RETREG1: variants seen among roughly 807,000 people sequenced by gnomAD.
The protein encoded by RETREG1 is reticulophagy regulator 1.
A neutral mutation model predicts 54.8 loss-of-function variants in RETREG1; 44 were observed. The observed-to-expected ratio is 0.80, with a 90% CI of 0.63 to 1.03. RETREG1 has a LOEUF of 1.03. Ranked by LOEUF, RETREG1 falls within the 50% of genes least tolerant of loss-of-function variation. RETREG1 has a pLI of 0.00. For missense variants in RETREG1, 554 were observed against 605.1 expected (o/e 0.92, Z 0.89); for synonymous variants, 217 against 238.5 (o/e 0.91, Z 0.83).
At chr5:16,502,315 A>G (rs1292561846) in intron 3 of RETREG1, among the ~76,000 whole-genome samples, 1 of 152,150 alleles carries the variant, frequency 6.6e-6, no homozygotes, top group Non-Finnish European at 1.5e-5. Flanking sequence ...AATTTGTTTG[A>G]CATTCTTCCC....
At chr5:16,584,215 A>C (rs1054856795) in intron 1 of RETREG1, among the ~76,000 whole-genome samples, 1 of 152,142 alleles carries the variant, frequency 6.6e-6, no homozygotes, top group African/African-American at 2.4e-5. Context: ...GGTGCACCAA[A>C]ATCTCAGAAA....
chr5:16,538,817 A>G (rs967752111), intron 3 of RETREG1, among the ~76,000 whole-genome samples: 4 of 150,452 alleles, frequency 2.7e-5, no homozygotes, highest in African/African-American at 4.9e-5. Context: ...CCATTCTCCT[A>G]CCTCAGCCTC....
chr5:16,571,830 A>G lies in RETREG1; in HGVS notation c.427+166T>C, dbSNP rs188473915. Among the ~76,000 whole-genome samples the G allele has an allele frequency of 6.6e-5, 10 of 152,354 alleles. No homozygotes were observed. The East Asian group carries it at 1.9e-3, about 29-fold the overall frequency. ...AACCTTTTACCTACAAGCAGTAGCTACAAAGACAGCACCACCTCAATAAAT... is the reference window on the plus strand; with the variant it reads ...AACCTTTTACCTACAAGCAGTAGCTGCAAAGACAGCACCACCTCAATAAAT... On this transcript the variant is annotated intron_variant, in intron 2 of 8. Coordinates refer to ENST00000306320, the MANE Select transcript of RETREG1 (RefSeq NM_001034850.3).
chr5:16,610,733 G>A (rs1327213375), intron 1 of RETREG1, among the ~76,000 whole-genome samples: 4 of 152,152 alleles, frequency 2.6e-5, no homozygotes, highest in Admixed American at 6.5e-5. Context: ...TTAGAATGGC[G>A]ATAATTAAAA....
At chr5:16,601,882 A>G (rs751126137) in intron 1 of RETREG1, among the ~76,000 whole-genome samples, 1 of 152,224 alleles carries the variant, frequency 6.6e-6, no homozygotes, top group East Asian at 1.9e-4. Context: ...CAGGTCATCT[A>G]TAAGAGATCA....
chr5:16,498,059 G>A (rs961177821), intron 3 of RETREG1, among the ~76,000 whole-genome samples: 1 of 152,214 alleles, frequency 6.6e-6, no homozygotes, highest in African/African-American at 2.4e-5. Context: ...TTATAATGAA[G>A]TCTATCTCAA....
intron 3 of RETREG1, among the ~76,000 whole-genome samples, chr5:16,556,839 A>T (rs1394566028): frequency 6.6e-6 from 1 of 151,796 alleles, no homozygotes; most frequent in African/African-American, 2.4e-5. Context: ...GTTTCATTTT[A>T]TTTTTTTTGA....
chr5:16,545,636 C>T (rs566358885), intron 3 of RETREG1, among the ~76,000 whole-genome samples: 75 of 152,300 alleles, frequency 4.9e-4, no homozygotes, highest in Middle Eastern at 3.4e-3. Flanking sequence ...CCTCACTTGA[C>T]TCCAAGCTCC....
chr5:16,581,615 G>A (rs1742485954), intron 1 of RETREG1, among the ~76,000 whole-genome samples: 3 of 151,544 alleles, frequency 2.0e-5, no homozygotes, highest in Non-Finnish European at 4.4e-5. Flanking sequence ...AATTAGCCCA[G>A]GCACTTGTGA....
At chr5:16,559,338 G>A (rs1253522860) in intron 3 of RETREG1, among the ~76,000 whole-genome samples, 1 of 152,172 alleles carries the variant, frequency 6.6e-6, no homozygotes, top group African/African-American at 2.4e-5. Flanking sequence ...ATCCCTGCTG[G>A]CTCTGGAAAG....
chr5:16,520,776 T>C (rs995693627), intron 3 of RETREG1, among the ~76,000 whole-genome samples: 1 of 152,190 alleles, frequency 6.6e-6, no homozygotes, highest in Non-Finnish European at 1.5e-5. Flanking sequence ...GAAAACATGA[T>C]GCAAAGTGTA....
chr5:16,580,424 G>A (rs968360637), intron 1 of RETREG1, among the ~76,000 whole-genome samples: 2 of 152,236 alleles, frequency 1.3e-5, no homozygotes, highest in Non-Finnish European at 2.9e-5. Context: ...GTCTATAAGT[G>A]CAGATTTGCT....
In RETREG1 at chr5:16,478,933, A is replaced by G. The variant is rs1579580998; in HGVS notation, c.725T>C (p.Ile242Thr). ...CAGAACTGACTTAATTTTGCTGTAA[A>G]TTTTTTGTCCAATATCATTACATTT... Reference protein sequence around the residue: ...LFKCNDIGQKIYSKIKSVLLK... With the variant: ...LFKCNDIGQKTYSKIKSVLLK... The change falls in exon 6 of 9, where the codon ATT becomes ACT. Residue 242 changes from isoleucine (I) to threonine (T), a missense_variant. By Grantham distance (89) the Ile-to-Thr change is moderately conservative (BLOSUM62 -1). Transcript: ENST00000306320. 6.2e-7 allele frequency: 1 copy of G among 1,612,222 alleles called. No homozygotes were observed. The highest frequency in any genetic ancestry group is 8.5e-7 in the Non-Finnish European group (1 of 1,178,822).
intron 3 of RETREG1, among the ~76,000 whole-genome samples, chr5:16,506,123 G>C (rs372962725): frequency 3.5e-4 from 54 of 152,370 alleles, no homozygotes; most frequent in African/African-American, 1.3e-3. Context: ...ACGCATGGCA[G>C]TCTGCCCTGG....
intron 3 of RETREG1, among the ~76,000 whole-genome samples, chr5:16,541,202 A>G (rs1741233086): frequency 6.6e-6 from 1 of 152,202 alleles, no homozygotes; most frequent in African/African-American, 2.4e-5. Flanking sequence ...AAATGATTCA[A>G]TCATGAGGGC....
intron 1 of RETREG1, among the ~76,000 whole-genome samples, chr5:16,615,642 G>A (rs1033380464): frequency 6.6e-6 from 1 of 151,988 alleles, no homozygotes; most frequent in African/African-American, 2.4e-5. Context: ...AGGGACCTCC[G>A]ACAAGATACA....
intron 3 of RETREG1, among the ~76,000 whole-genome samples, chr5:16,510,818 CAAAAAAAAAAA>C (rs57713373): frequency 2.6e-5 from 2 of 75,688 alleles, no homozygotes; most frequent in East Asian, 8.3e-4. Context: ...ACAACAACAA[CAAAAAAAAAAA>C]AAAAAAAAAA....
chr5:16,611,569 T>C (rs770959607), intron 1 of RETREG1, among the ~76,000 whole-genome samples: 1 of 152,202 alleles, frequency 6.6e-6, no homozygotes, highest in Non-Finnish European at 1.5e-5. Flanking sequence ...CTTACCACTT[T>C]CCTCACCAAA....
chr5:16,616,787 C>G lies in RETREG1; in HGVS notation c.185G>C (p.Gly62Ala). ...GAGLQVEEAA[G>A]RAAAAVTWLL... is the part of the protein sequence containing the mutation. ...CCAGGTTACCGCGGCCGCCGCCCGG[C>G]CCGCGGCCTCCTCCACCTGCAACCC... The change falls in exon 1 of 9, where the codon GGC becomes GCC. Residue 62 changes from glycine (G) to alanine (A), a missense_variant. Gly to Ala is a moderately conservative substitution (Grantham distance 60, BLOSUM62 0). This residue lies in a region of RETREG1 where 175 missense variants were observed against 142.1 expected (regional missense o/e 1.23). Coordinates refer to ENST00000306320, the MANE Select transcript of RETREG1 (RefSeq NM_001034850.3). The G allele has an allele frequency of 6.5e-7, 1 of 1,529,698 alleles. No homozygotes were observed. Among genetic ancestry groups the G allele is most frequent in the Non-Finnish European group, 8.7e-7 (1 of 1,144,866 alleles). The allele number at this position is 1,529,698 out of a possible 1,614,324, so 94.8% of individuals were successfully genotyped here. A position where few individuals can be genotyped will look rare whatever the true frequency, so the allele number is the denominator to read the frequency against.
Sources: allele counts gnomAD v4.1 joint callset (sites outside exome capture counted in the v4.1 genomes callset), GRCh38; gene constraint gnomAD v4.1.1; regional missense constraint gnomAD v4.1.1; transcripts MANE v1.5; gene names NCBI Gene and HGNC (gene_info 2026-07-23, HGNC 2026-07-21).